Variants in TNRC6C observed in about 807,000 individuals in gnomAD.
TNRC6C encodes the protein trinucleotide repeat-containing gene 6C protein.
In TNRC6C, 20 loss-of-function variants were observed where a neutral mutation model predicts 153.7. The observed-to-expected ratio is 0.13, with a 90% CI of 0.09 to 0.19. TNRC6C has a LOEUF of 0.19. TNRC6C is among the 10% of genes least tolerant of loss of function. The pLI is 1.00. For synonymous variants in TNRC6C, 811 were observed against 841.4 expected (o/e 0.96, Z 0.63); for missense variants, 1,987 against 2,172.0 (o/e 0.91, Z 1.69).
At chr17:78,070,718 A>G (rs1427497122) in intron 5 of TNRC6C, among the ~76,000 whole-genome samples, 1 of 152,236 alleles carries the variant, frequency 6.6e-6, no homozygotes, top group Non-Finnish European at 1.5e-5. Context: ...AGAAAAGGCA[A>G]AAAGTGTAAT....
chr17:78,009,831 G>T (rs1431235818), intron 1 of TNRC6C, among the ~76,000 whole-genome samples: 1 of 152,080 alleles, frequency 6.6e-6, no homozygotes, highest in African/African-American at 2.4e-5. Context: ...GGGATTACAG[G>T]CGTGAGCCAC....
chr17:78,080,910 A>G (rs1410521920), intron 10 of TNRC6C, among the ~76,000 whole-genome samples: 1 of 152,148 alleles, frequency 6.6e-6, no homozygotes, highest in Non-Finnish European at 1.5e-5. Context: ...TCAATCTTCT[A>G]TTATTCATAA....
chr17:78,071,981 G>A (rs2073006127), intron 6 of TNRC6C, among the ~76,000 whole-genome samples: 1 of 152,172 alleles, frequency 6.6e-6, no homozygotes, highest in Non-Finnish European at 1.5e-5. Context: ...AGATGGCAAG[G>A]GATGTCGCCC....
intron 1 of TNRC6C, among the ~76,000 whole-genome samples, chr17:77,994,061 T>C (rs2071292153): frequency 6.6e-6 from 1 of 152,088 alleles, no homozygotes; most frequent in South Asian, 2.1e-4. Context: ...GGCATTGTGG[T>C]GCATGCCTGT....
intron 16 of TNRC6C, 45 bp downstream of exon 18, chr17:78,093,808 G>C (rs1378635715): frequency 1.6e-5 from 26 of 1,608,262 alleles, no homozygotes; most frequent in Non-Finnish European, 2.1e-5. Flanking sequence ...GGTCTCTCTA[G>C]ACCCATTTGG....
chr17:78,067,756 G>T lies in TNRC6C; in HGVS notation c.2612-1G>T. On this transcript the variant is annotated splice_acceptor_variant, in intron 4 of 19. Transcript: ENST00000301624. LOFTEE classifies it high-confidence loss of function. ...TAAGTTCATGTTTGCTCTGTTTCTAGCTTCAAAATCTATGCAAGAAGGCTG... is the reference window on the plus strand; with the variant it reads ...TAAGTTCATGTTTGCTCTGTTTCTATCTTCAAAATCTATGCAAGAAGGCTG... 1.9e-6 allele frequency: 3 copies of T among 1,603,906 alleles called. No individual in the cohort carries two copies. Among genetic ancestry groups the T allele is most frequent in the Non-Finnish European group, 2.5e-6 (3 of 1,176,498 alleles).
intron 14 of TNRC6C, 45 bp downstream of exon 16, chr17:78,091,652 A>G: frequency 7.2e-7 from 1 of 1,396,382 alleles, no homozygotes; most frequent in Non-Finnish European, 9.3e-7. Context: ...CTGCTGGCTT[A>G]TTAATCGATC....
upstream of TNRC6C, among the ~76,000 whole-genome samples, chr17:78,003,473 A>G (rs1450065330): frequency 6.6e-6 from 1 of 152,206 alleles, no homozygotes; most frequent in Non-Finnish European, 1.5e-5. Context: ...AAGGTTAACA[A>G]TTTTAAACAT....
chr17:78,028,624 T>C (rs2071993653), intron 1 of TNRC6C, among the ~76,000 whole-genome samples: 1 of 152,130 alleles, frequency 6.6e-6, no homozygotes, highest in African/African-American at 2.4e-5. Flanking sequence ...CAAGTCCATG[T>C]TGAGAGACAA....
At chr17:77,996,697 T>G (rs972445932) in intron 1 of TNRC6C, among the ~76,000 whole-genome samples, 4 of 152,184 alleles carry the variant, frequency 2.6e-5, no homozygotes, top group Admixed American at 6.5e-5. Flanking sequence ...ATTTTTTGGC[T>G]CTCTCTGGTT....
rs1205625237 is a variant in TNRC6C, at chr17:78,049,160, A to C, written c.98A>C (p.Asn33Thr). 1.5e-5 allele frequency: 24 copies of C among 1,612,442 alleles called. No homozygotes were observed. Among genetic ancestry groups the C allele is most frequent in the Non-Finnish European group, 2.0e-5 (24 of 1,179,194 alleles). ...GGCGCACTCGTCCAAAGCCCTTCTA[A>C]TCAGAGTGCCCTTGGAGCAGGGGGA... Residue 33 changes from asparagine to threonine, a missense_variant, in exon 3 of 20, where the codon AAT becomes ACT. Around this residue, in one of 4 missense-constraint regions of TNRC6C, gnomAD observed 1,052 missense variants for 1,017.0 expected, o/e 1.03. Coordinates refer to ENST00000301624, the Ensembl canonical transcript of TNRC6C. This position sits in a 1 kb window ranked among gnomAD's most constrained non-coding sequence, Gnocchi z 4.1.
chr17:78,006,491 CTTT>C (rs2071500208), intron 1 of TNRC6C, among the ~76,000 whole-genome samples: 1 of 134,714 alleles, frequency 7.4e-6, no homozygotes, highest in African/African-American at 2.8e-5. Flanking sequence ...TCTTCTTCTT[CTTT>C]CTTCTTCTTC....
At chr17:77,974,736 A>G (rs1240216115) in intron 1 of TNRC6C, among the ~76,000 whole-genome samples, 1 of 152,220 alleles carries the variant, frequency 6.6e-6, no homozygotes, top group Non-Finnish European at 1.5e-5. Flanking sequence ...ATTAACAGGT[A>G]TTATGTCTTG....
exon 2 of TNRC6C, chr17:78,031,725 T>C (rs1232259148): frequency 8.1e-7 from 1 of 1,232,144 alleles, no homozygotes; most frequent in African/African-American, 1.6e-5. Flanking sequence ...AGGCCAGCCA[T>C]TGCCTACGGG....
chr17:78,050,668 G>A (rs759807792), exon 3 of TNRC6C: 1 of 1,560,994 alleles, frequency 6.4e-7, no homozygotes, highest in South Asian at 1.2e-5. Flanking sequence ...TGGCCCGGGG[G>A]TTTGGGGGGA....
chr17:78,014,043 C>T (rs1452346516), intron 1 of TNRC6C, among the ~76,000 whole-genome samples: 1 of 152,202 alleles, frequency 6.6e-6, no homozygotes, highest in African/African-American at 2.4e-5. Flanking sequence ...TTGGCTCCCT[C>T]TTCTGGCGGG....
At position 78,049,393 on chromosome 17, in the gene TNRC6C, G is replaced by A. The variant is rs780858252; in HGVS notation, c.331G>A (p.Val111Ile). Residue 111 changes from valine to isoleucine, a missense_variant, in exon 3 of 20, where the codon GTA becomes ATA. Transcript: ENST00000301624. The surrounding 1 kb of genome is among the most constrained non-coding windows in gnomAD (Gnocchi z 4.1). ...TAATGCCAACCCAGCTGCCTGGCCT[G>A]TACTTGGACATGAAGGAACCGTGGC... 6.2e-7 allele frequency: 1 copy of A among 1,614,016 alleles called. No individual in the cohort carries two copies. The highest frequency in any genetic ancestry group is 1.1e-5 in the South Asian group (1 of 91,082).
intron 17 of TNRC6C, among the ~76,000 whole-genome samples, chr17:78,098,776 G>A (rs1163130337): frequency 2.0e-5 from 3 of 152,162 alleles, no homozygotes; most frequent in African/African-American, 7.2e-5. Flanking sequence ...GGGCCAAGAG[G>A]TCCCAGGCAG....
At chr17:78,031,989 T>A in intron 2 of TNRC6C, 147 bp downstream of exon 4, 1 of 712,516 alleles carries the variant, frequency 1.4e-6, no homozygotes, top group Non-Finnish European at 1.9e-6. Flanking sequence ...TTAAGTGGGT[T>A]TTAAAATTTA....
Sources: gnomAD v4.1 joint callset for allele counts (sites outside exome capture counted in the v4.1 genomes callset) on GRCh38, gnomAD v4.1.1 for gene constraint, gnomAD v4.1.1 regional missense constraint, Gnocchi (gnomAD v3.1) non-coding constraint, MANE v1.5 for transcripts, NCBI Gene and HGNC (gene_info 2026-07-23, HGNC 2026-07-21) for gene names.